Variants in ASTN2 observed in about 807,000 individuals in gnomAD.
The protein encoded by ASTN2 is astrotactin-2.
ASTN2 carries 54 observed loss-of-function variants against 139.8 expected under a neutral mutation model. That is an observed-to-expected ratio of 0.39 (90% CI 0.31 to 0.48). ASTN2 has a LOEUF of 0.48. ASTN2 is among the 20% of genes least tolerant of loss of function. The probability of loss-of-function intolerance (pLI) is 0.95; values close to 1 mark genes in which losing one functional copy is unlikely to be tolerated. For missense variants in ASTN2, 1,565 were observed against 1,725.1 expected, an observed-to-expected ratio of 0.91 and a Z score of 1.64; for synonymous variants, 756 against 719.5, an observed-to-expected ratio of 1.05 and a Z score of -0.81.
At chr9:116,510,062 G>T (rs866850162) in intron 19 of ASTN2, among the ~76,000 whole-genome samples, 1 of 152,108 alleles carries the variant, frequency 6.6e-6, no homozygotes, top group East Asian at 1.9e-4. Context: ...TTTGGTGTTT[G>T]AGACACGAAG....
chr9:117,387,758 C>G (rs564614161), intron 1 of ASTN2, among the ~76,000 whole-genome samples: 3 of 152,160 alleles, frequency 2.0e-5, no homozygotes, highest in Non-Finnish European at 4.4e-5. Context: ...AATGCGGAGT[C>G]CTGACTTCTG....
chr9:117,307,120 G>A (rs150470317), intron 1 of ASTN2, among the ~76,000 whole-genome samples: 43 of 152,244 alleles, frequency 2.8e-4, no homozygotes, highest in East Asian at 1.9e-3. Flanking sequence ...GTTCAACCGG[G>A]GGAACACACC....
intron 19 of ASTN2, among the ~76,000 whole-genome samples, chr9:116,560,933 G>A (rs1291328518): frequency 6.6e-6 from 1 of 152,172 alleles, no homozygotes; most frequent in Non-Finnish European, 1.5e-5. Flanking sequence ...AAAGCAGCCA[G>A]GAAAGTTTCC....
intron 19 of ASTN2, among the ~76,000 whole-genome samples, chr9:116,522,782 G>A (rs1397942684): frequency 6.6e-6 from 1 of 152,136 alleles, no homozygotes; most frequent in Non-Finnish European, 1.5e-5. Flanking sequence ...TTTGAAAACT[G>A]AGGTTGTATG....
At chr9:116,641,950 T>C (rs1217331058) in intron 17 of ASTN2, among the ~76,000 whole-genome samples, 2 of 151,958 alleles carry the variant, frequency 1.3e-5, no homozygotes, top group East Asian at 3.9e-4. Flanking sequence ...TGACCCACAA[T>C]AGCAGAGAAG....
At chr9:116,975,442 T>C in intron 9 of ASTN2, 97 bp from the exon 10 acceptor site, 1 of 1,221,828 alleles carries the variant, frequency 8.2e-7, no homozygotes, top group Non-Finnish European at 1.1e-6. Flanking sequence ...GGCAATTTCC[T>C]ACTTCTCCAT....
At chr9:116,801,091 C>T (rs555527707) in intron 13 of ASTN2, among the ~76,000 whole-genome samples, 18 of 152,180 alleles carry the variant, frequency 1.2e-4, no homozygotes, top group South Asian at 8.3e-4. Context: ...TATGGTGAGA[C>T]GGCTGGTGGC....
chr9:116,542,396 A>G (rs1397605502), intron 19 of ASTN2, among the ~76,000 whole-genome samples: 1 of 152,228 alleles, frequency 6.6e-6, no homozygotes, highest in Admixed American at 6.5e-5. Flanking sequence ...CTGCCACTTC[A>G]ATTGAGCAAG....
chr9:116,937,890 G>A (rs1223702589), intron 10 of ASTN2, among the ~76,000 whole-genome samples: 1 of 152,116 alleles, frequency 6.6e-6, no homozygotes, highest in Non-Finnish European at 1.5e-5. Flanking sequence ...GTCTAACATG[G>A]GAAGCAGATA....
At chr9:117,248,583 A>G (rs1431438061) in intron 2 of ASTN2, among the ~76,000 whole-genome samples, 1 of 152,188 alleles carries the variant, frequency 6.6e-6, no homozygotes, top group Non-Finnish European at 1.5e-5. Context: ...AACTTTCCAA[A>G]TGTGTGCTCA....
At chr9:117,164,876 C>T (rs913802143) in intron 3 of ASTN2, among the ~76,000 whole-genome samples, 1 of 152,122 alleles carries the variant, frequency 6.6e-6, no homozygotes, top group Non-Finnish European at 1.5e-5. Flanking sequence ...CATGTGGGCA[C>T]TGTACTAAGT....
At chr9:116,820,856 C>T in intron 11 of ASTN2, 73 bp from the exon 12 acceptor site, 1 of 1,441,160 alleles carries the variant, frequency 6.9e-7, no homozygotes, top group Non-Finnish European at 9.4e-7. Flanking sequence ...TCTCCTCCCT[C>T]CTGGAAGAGA....
chr9:116,442,283 T>C (rs549641833), intron 21 of ASTN2, among the ~76,000 whole-genome samples, 170 bp downstream of exon 21: 3 of 152,324 alleles, frequency 2.0e-5, no homozygotes, highest in Non-Finnish European at 4.4e-5. Context: ...TTCATGACTT[T>C]GATTAATTTA....
At chr9:116,976,579 G>T in intron 8 of ASTN2, 122 bp downstream of exon 8, 1 of 792,912 alleles carries the variant, frequency 1.3e-6, no homozygotes, top group Non-Finnish European at 2.0e-6. Flanking sequence ...GGTTTTGCAG[G>T]AACACTACTG....
chr9:117,271,418 G>A (rs915082612), intron 2 of ASTN2, among the ~76,000 whole-genome samples: 4 of 152,096 alleles, frequency 2.6e-5, no homozygotes, highest in Admixed American at 1.3e-4. Flanking sequence ...ATTTGGGTGG[G>A]AACAAAGCCA....
intron 13 of ASTN2, among the ~76,000 whole-genome samples, chr9:116,752,490 A>C (rs1298103059): frequency 6.6e-6 from 1 of 152,236 alleles, no homozygotes; most frequent in East Asian, 1.9e-4. Flanking sequence ...GTTTTTAGAT[A>C]CAACACCAAA....
At chr9:116,685,747 C>G (rs759793253) in intron 16 of ASTN2, among the ~76,000 whole-genome samples, 1 of 151,590 alleles carries the variant, frequency 6.6e-6, no homozygotes, top group Non-Finnish European at 1.5e-5. Context: ...AAAGAAGAGT[C>G]AAACACTGAT....
chr9:116,435,642 T>C (rs1847626913), intron 22 of ASTN2, among the ~76,000 whole-genome samples: 1 of 152,218 alleles, frequency 6.6e-6, no homozygotes, highest in Admixed American at 6.5e-5. Flanking sequence ...ATGAGAAGAC[T>C]CTCTCCCTTC....
intron 20 of ASTN2, among the ~76,000 whole-genome samples, chr9:116,455,896 C>G (rs1442073814): frequency 6.6e-6 from 1 of 151,716 alleles, no homozygotes; most frequent in Non-Finnish European, 1.5e-5. Flanking sequence ...ATACAATAGA[C>G]ACACAGCTAG....
Sources: gnomAD v4.1 joint callset for allele counts (sites outside exome capture counted in the v4.1 genomes callset) on GRCh38, gnomAD v4.1.1 for gene constraint, MANE v1.5 for transcripts, NCBI Gene and HGNC (gene_info 2026-07-23, HGNC 2026-07-21) for gene names.